Variants in GALNT9 observed in about 807,000 individuals in gnomAD.
GALNT9 encodes the protein polypeptide N-acetylgalactosaminyltransferase 9, also known as GalNAc transferase 9.
GALNT9 carries 47 observed loss-of-function variants against 63.1 expected under a neutral mutation model. The observed-to-expected ratio is 0.75, with a 90% confidence interval of 0.59 to 0.95. The LOEUF is 0.95. GALNT9 is among the 40% of genes least tolerant of loss of function. The pLI is 0.00. For missense variants in GALNT9, 829 were observed against 874.8 expected, an observed-to-expected ratio of 0.95 and a Z score of 0.66; for synonymous variants, 396 against 365.7, an observed-to-expected ratio of 1.08 and a Z score of -0.94.
rs1878075417 is a variant in GALNT9, at chr12:132,238,213, G to A, written c.1077+9697C>T. ...GGGCTGCTCAGGACCCAGGAGAGAG[G>A]GGAGAGAGGGGGCGTCATCCCAGAG... On this transcript the variant is annotated intron_variant, in intron 6 of 10. Coordinates refer to ENST00000328957, the MANE Select transcript of GALNT9 (RefSeq NM_001122636.2). This position sits in a 1 kb window ranked among gnomAD's most constrained non-coding sequence, Gnocchi z 6.5. 6.6e-6 allele frequency among the ~76,000 whole-genome samples: 1 copy of A among 152,022 alleles called. No homozygotes were observed. The highest frequency in any genetic ancestry group is 1.5e-5 in the Non-Finnish European group (1 of 68,000).
intron 2 of GALNT9, among the ~76,000 whole-genome samples, chr12:132,269,493 C>T (rs1357493084): frequency 6.6e-6 from 1 of 151,212 alleles, no homozygotes; most frequent in Non-Finnish European, 1.5e-5. Context: ...GGTGGAGGGG[C>T]GTCAGGGAGG....
intron 6 of GALNT9, chr12:132,240,674 T>G (rs1878237999): frequency 2.2e-6 from 1 of 455,908 alleles, no homozygotes; most frequent in Non-Finnish European, 4.4e-6. Context: ...CGTGTTTTTC[T>G]TCCTCTTTTA....
chr12:132,275,011 T>A (rs1271608240), intron 2 of GALNT9: 1 of 152,310 alleles, frequency 6.6e-6, no homozygotes, highest in Non-Finnish European at 1.5e-5. Flanking sequence ...TGTCACCAAC[T>A]CACTTCTAAG....
chr12:132,197,380 C>T, intron 10 of GALNT9, 127 bp from the exon 11 acceptor site: 4 of 1,353,510 alleles, frequency 3.0e-6, no homozygotes, highest in Non-Finnish European at 4.0e-6. Flanking sequence ...AATGGAAAGC[C>T]AGCATCACAG....
At position 132,245,281 on chromosome 12, in the gene GALNT9, A is replaced by G. The variant is rs917786561; in HGVS notation, c.1077+2629T>C. Among the ~76,000 whole-genome samples, 4 of 152,062 alleles carry G rather than the reference A, an allele frequency of 2.6e-5. No individual in the cohort carries two copies. The highest frequency in any genetic ancestry group is 6.5e-5 in the Admixed American group (1 of 15,282). On this transcript the variant is annotated intron_variant, in intron 6 of 10. Transcript: ENST00000328957. The surrounding 1 kb of genome is among the most constrained non-coding windows in gnomAD (Gnocchi z 6.3). ...ACATGGTGAAACCTCGTCTCTACTA[A>G]AAGTACAAAAATTAGCCGGGCATGG...
At chr12:132,240,903 T>G in intron 6 of GALNT9, among the ~76,000 whole-genome samples, 1 of 139,926 alleles carries the variant, frequency 7.1e-6, no homozygotes, top group East Asian at 2.1e-4. Context: ...CCACACACCC[T>G]TCCCGGGGCC....
chr12:132,230,751 C>A (rs899527586), intron 6 of GALNT9, among the ~76,000 whole-genome samples: 20 of 152,244 alleles, frequency 1.3e-4, no homozygotes, highest in African/African-American at 4.3e-4. Context: ...GTGTGATAGC[C>A]ACACTGGAGG....
Position 132,203,495 on chromosome 12 carries a change from G to T in GALNT9, c.1263+10C>A, listed in dbSNP as rs1281604761. On this transcript the variant is annotated intron_variant, in intron 7 of 10. Transcript: ENST00000328957. ...GCATGGCCCCGGCTCCCGGCCTGTG[G>T]GGGACTCACCGACATGGGGATGTTC... is the stretch of plus-strand genomic sequence containing the variant. 10 of 1,613,198 alleles carry T rather than the reference G, an allele frequency of 6.2e-6. No homozygotes were observed. The highest frequency in any genetic ancestry group is 8.5e-6 in the Non-Finnish European group (10 of 1,179,426).
chr12:132,306,105 T>C (rs1484224272), intron 1 of GALNT9, among the ~76,000 whole-genome samples: 1 of 152,202 alleles, frequency 6.6e-6, no homozygotes, highest in African/African-American at 2.4e-5. Context: ...CCACACGTTC[T>C]TGAGACCCTC....
chr12:132,323,253 T>G (rs1231593434), intron 1 of GALNT9, among the ~76,000 whole-genome samples: 1 of 152,184 alleles, frequency 6.6e-6, no homozygotes, highest in African/African-American at 2.4e-5. Context: ...TGTGCTGAAT[T>G]GTAAATGCAA....
chr12:132,271,513 G>A (rs903404486), intron 2 of GALNT9, among the ~76,000 whole-genome samples: 46 of 152,264 alleles, frequency 3.0e-4, no homozygotes, highest in African/African-American at 9.9e-4. Flanking sequence ...TCCCTCCGAC[G>A]CCCACCCTCA....
At position 132,327,875 on chromosome 12, in the gene GALNT9, G is replaced by T. The variant is rs973520156; in HGVS notation, c.238+1091C>A. Among the ~76,000 whole-genome samples the T allele has an allele frequency of 6.7e-6, 1 of 148,854 alleles. No homozygotes were observed. The highest frequency in any genetic ancestry group is 2.5e-5 in the African/African-American group (1 of 40,148). On this transcript the variant is annotated intron_variant, in intron 1 of 10. Transcript: ENST00000328957. This position sits in a 1 kb window ranked among gnomAD's most constrained non-coding sequence, Gnocchi z 4.3. ...AGAGGGTGTGGCTCCTGAAGGAAAC[G>T]CAAGACCACCCCCCGCCTTTGCCCC...
intron 1 of GALNT9, among the ~76,000 whole-genome samples, chr12:132,300,731 T>C (rs1373623680): frequency 7.3e-6 from 1 of 136,936 alleles, no homozygotes; most frequent in Non-Finnish European, 1.5e-5. Context: ...AACCCATCCC[T>C]GAGATAACCA....
chr12:132,263,690 C>T (rs1879492060), intron 2 of GALNT9, among the ~76,000 whole-genome samples: 1 of 152,198 alleles, frequency 6.6e-6, no homozygotes, highest in Admixed American at 6.5e-5. Context: ...AGCTCTATAC[C>T]AAGAACCCAG....
At chr12:132,200,208 G>A (rs1020856290) in intron 8 of GALNT9, among the ~76,000 whole-genome samples, 1 of 152,218 alleles carries the variant, frequency 6.6e-6, no homozygotes, top group Non-Finnish European at 1.5e-5. Context: ...CCACCCCAGG[G>A]ACCCTTTTCC....
In GALNT9 at chr12:132,262,630, A is replaced by G. The variant is rs1555239885; in HGVS notation, c.420-5T>C. 1.9e-6 allele frequency: 3 copies of G among 1,542,608 alleles called. No homozygotes were observed. The highest frequency in any genetic ancestry group is 2.6e-6 in the Non-Finnish European group (3 of 1,142,752). On this transcript the variant is annotated splice_region_variant and splice_polypyrimidine_tract_variant and intron_variant, in intron 2 of 10. Coordinates refer to ENST00000328957, the MANE Select transcript of GALNT9 (RefSeq NM_001122636.2). ...GCGTAGCTCATCTGTCTGCACCTGC[A>G]GGAAACACGGTTTGGGGTGCGGTCA...
At chr12:132,300,516 A>G (rs1881253188) in intron 1 of GALNT9, among the ~76,000 whole-genome samples, 1 of 141,756 alleles carries the variant, frequency 7.1e-6, no homozygotes, top group Non-Finnish European at 1.5e-5. Flanking sequence ...CCCTGAGATG[A>G]CCAAGCCACT....
chr12:132,284,052 G>C (rs1880473935), intron 2 of GALNT9: 1 of 152,362 alleles, frequency 6.6e-6, no homozygotes, highest in South Asian at 2.1e-4. Context: ...ACACACAGGA[G>C]CGTTCAAAAA....
rs1279404334 is a variant in GALNT9 at position 132,279,275 on chromosome 12, A to G, written c.419+6975T>C. ...ACTGCTGGCTGTGACTGGGTCCCAG[A>G]TAAGCACGTGACCCACTATGGGCCA... On this transcript the variant is annotated intron_variant, in intron 2 of 10. Coordinates refer to ENST00000328957, the MANE Select transcript of GALNT9 (RefSeq NM_001122636.2). This position sits in a 1 kb window ranked among gnomAD's most constrained non-coding sequence, Gnocchi z 4.1. 6.6e-6 allele frequency: 1 copy of G among 152,278 alleles called. No homozygotes were observed. The highest frequency in any genetic ancestry group is 2.4e-5 in the African/African-American group (1 of 41,464). 9.4% of individuals were successfully genotyped at this position (152,278 alleles called of 1,614,324 possible).
Sources: gnomAD v4.1 joint callset for allele counts (sites outside exome capture counted in the v4.1 genomes callset) on GRCh38, gnomAD v4.1.1 for gene constraint, Gnocchi (gnomAD v3.1) non-coding constraint, MANE v1.5 for transcripts, NCBI Gene and HGNC (gene_info 2026-07-23, HGNC 2026-07-21) for gene names.